The following SLC8B1 variants were observed in gnomAD, a reference collection of about 807,000 sequenced individuals.
SLC8B1 encodes solute carrier family 8 member B1.
Under a neutral mutation model 63.4 loss-of-function variants are expected in SLC8B1, and 52 were observed. The observed-to-expected ratio is 0.82, with a 90% CI of 0.66 to 1.03. The LOEUF (loss-of-function observed/expected upper bound fraction) is 1.03. SLC8B1 is among the 50% of genes least tolerant of loss of function. The pLI, the probability that SLC8B1 is intolerant of heterozygous loss-of-function variation, is 0.00. For synonymous variants in SLC8B1, 336 were observed against 323.9 expected (o/e 1.04, Z -0.40); for missense variants, 657 against 741.7 (o/e 0.89, Z 1.33).
chr12:113,316,218 T>C (rs958994926), intron 10 of SLC8B1, among the ~76,000 whole-genome samples: 1 of 149,024 alleles, frequency 6.7e-6, no homozygotes, highest in South Asian at 2.2e-4. Flanking sequence ...AGAGCGAAAC[T>C]CTGTCTCAAA....
At chr12:113,323,836 T>C (rs1468159562) in intron 2 of SLC8B1, among the ~76,000 whole-genome samples, 1 of 152,150 alleles carries the variant, frequency 6.6e-6, no homozygotes, top group Non-Finnish European at 1.5e-5. Context: ...GAACTCCCAC[T>C]AACACCAGAC....
chr12:113,321,480 C>T (rs1190220671), intron 2 of SLC8B1, 132 bp from the exon 3 acceptor site: 1 of 1,060,744 alleles, frequency 9.4e-7, no homozygotes, highest in Non-Finnish European at 1.4e-6. Context: ...TGGGTGCCAA[C>T]TATGGATGCA....
chr12:113,317,673 C>T (rs73192857), intron 8 of SLC8B1, among the ~76,000 whole-genome samples: 6 of 152,156 alleles, frequency 3.9e-5, no homozygotes, highest in African/African-American at 9.7e-5. Context: ...TGGCCCTCCT[C>T]GAGTGAGGAG....
intron 2 of SLC8B1, among the ~76,000 whole-genome samples, chr12:113,325,482 C>G (rs7966872): frequency 0.19 from 28,266 of 151,918 alleles, 3,102 homozygotes; most frequent in African/African-American, 0.31. Flanking sequence ...GGCTGGTCTT[C>G]AACTCCTGGC....
intron 2 of SLC8B1, among the ~76,000 whole-genome samples, chr12:113,327,539 G>A (rs547642084): frequency 6.6e-6 from 1 of 152,014 alleles, no homozygotes; most frequent in African/African-American, 2.4e-5. Context: ...ATAAAAATTA[G>A]CCAGGCACGG....
intron 15 of SLC8B1, chr12:113,302,439 C>T: frequency 3.6e-6 from 1 of 281,364 alleles, no homozygotes; most frequent in Non-Finnish European, 7.2e-6. Flanking sequence ...TCAATTTCTG[C>T]TGTTGTCAGC....
intron 2 of SLC8B1, among the ~76,000 whole-genome samples, chr12:113,328,085 T>C (rs917989628): frequency 4.6e-5 from 7 of 151,820 alleles, no homozygotes; most frequent in Non-Finnish European, 8.8e-5. Flanking sequence ...CAGGCTGGAG[T>C]GCAGTGGCGT....
At chr12:113,306,876 CAAGA>C (rs1213235142) in intron 13 of SLC8B1, 6 of 441,870 alleles carry the variant, frequency 1.4e-5, no homozygotes, top group African/African-American at 1.2e-4. Context: ...TTTGGGAGGC[CAAGA>C]TAGATGGATC....
chr12:113,320,634 A>G lies in SLC8B1; in HGVS notation c.473T>C (p.Leu158Pro). 1 of 1,614,136 alleles carries G rather than the reference A, an allele frequency of 6.2e-7. No individual in the cohort carries two copies. Among genetic ancestry groups the G allele is most frequent in the Non-Finnish European group, 8.5e-7 (1 of 1,180,016 alleles). ...GNGAPDIFSA[L>P]VAFSDPHTAG... The stretch of plus-strand genomic sequence containing the variant: ...TGTGTGCGGGTCAGAGAAGGCCACC[A>G]GGGCACTGAAGATGTCAGGTGCACC... The change falls in exon 6 of 16, where the codon CTG becomes CCG. Residue 158 changes from leucine to proline, a missense_variant. Transcript: ENST00000680972. This position sits in a 1 kb window ranked among gnomAD's most constrained non-coding sequence, Gnocchi z 5.3.
chr12:113,312,784 G>A (rs984472465), intron 11 of SLC8B1, among the ~76,000 whole-genome samples: 1 of 152,200 alleles, frequency 6.6e-6, no homozygotes, highest in Non-Finnish European at 1.5e-5. Context: ...ATTGTATCAA[G>A]GAGAAAGTTT....
At chr12:113,316,444 C>T (rs1452230644) in intron 10 of SLC8B1, 82 bp downstream of exon 10, 1 of 1,529,002 alleles carries the variant, frequency 6.5e-7, no homozygotes, top group Non-Finnish European at 8.9e-7. Context: ...AGGCCCTCCC[C>T]CTCGTAGAGC....
In SLC8B1 at chr12:113,335,079, C is replaced by T. The variant is rs975055045; in HGVS notation, c.-719G>A. The T allele has an allele frequency of 6.6e-6, 1 of 152,490 alleles. No individual in the cohort carries two copies. The highest frequency in any genetic ancestry group is 1.5e-5 in the Non-Finnish European group (1 of 68,252). 9.4% of individuals were successfully genotyped at this position (152,490 alleles called of 1,614,324 possible). A position where few individuals can be genotyped will look rare whatever the true frequency, so the allele number is the denominator to read the frequency against. The stretch of plus-strand genomic sequence containing the variant: ...CCAGGTCCCTGGCCGCCGGACCGAC[C>T]TTGCGCCAGCGAAGCCGCCAGTCCG... On this transcript the variant is annotated 5_prime_UTR_variant, in exon 1 of 16. Coordinates refer to ENST00000680972, the MANE Select transcript of SLC8B1 (RefSeq NM_001358345.2).
intron 11 of SLC8B1, among the ~76,000 whole-genome samples, chr12:113,314,748 G>C (rs1237714937): frequency 6.6e-6 from 1 of 152,182 alleles, no homozygotes; most frequent in African/African-American, 2.4e-5. Flanking sequence ...CCAAAATCCA[G>C]ATTTTAAGAT....
chr12:113,303,230 T>C (rs1956623307), intron 15 of SLC8B1, among the ~76,000 whole-genome samples: 1 of 152,014 alleles, frequency 6.6e-6, no homozygotes, highest in African/African-American at 2.4e-5. Context: ...GAATCTATCA[T>C]GAAAGGGAAC....
Position 113,321,352 on chromosome 12 carries a change from C to A in SLC8B1, c.157-4G>T. On this transcript the variant is annotated splice_polypyrimidine_tract_variant and splice_region_variant and intron_variant, in intron 2 of 15. Transcript: ENST00000680972. ...TCAGGCCACACACCTTGCGGCACTG[C>A]AGGAAGACAGGGAGGGGGACATCAG... The A allele has an allele frequency of 6.2e-7, 1 of 1,614,146 alleles. No individual in the cohort carries two copies.
intron 1 of SLC8B1, among the ~76,000 whole-genome samples, chr12:113,334,041 G>A (rs1380567702): frequency 6.6e-6 from 1 of 152,150 alleles, no homozygotes; most frequent in Non-Finnish European, 1.5e-5. Flanking sequence ...AGGTCACACA[G>A]CAAGAGGGTC....
chr12:113,312,589 G>A (rs1219909357), intron 11 of SLC8B1, among the ~76,000 whole-genome samples: 1 of 152,214 alleles, frequency 6.6e-6, no homozygotes, highest in Non-Finnish European at 1.5e-5. Context: ...TTCAGGCTGG[G>A]AGCCAGTCCA....
intron 13 of SLC8B1, among the ~76,000 whole-genome samples, chr12:113,307,110 CAAAAAAAAAAAAAAAAAAAAAAAA>C (rs67032040): frequency 0.018 from 331 of 18,222 alleles, 11 homozygotes; most frequent in East Asian, 0.025. Flanking sequence ...GCCTCCATCT[CAAAAAAAAAAAAAAAAAAAAAAAA>C]AAAAAAAAAA....
At chr12:113,324,332 A>C (rs529514472) in intron 2 of SLC8B1, among the ~76,000 whole-genome samples, 74 of 151,828 alleles carry the variant, frequency 4.9e-4, no homozygotes, top group African/African-American at 1.3e-3. Context: ...AACAAACAAA[A>C]AAAAAAACTT....
Sources: gnomAD v4.1 joint callset for allele counts (sites outside exome capture counted in the v4.1 genomes callset) on GRCh38, gnomAD v4.1.1 for gene constraint, Gnocchi (gnomAD v3.1) non-coding constraint, MANE v1.5 for transcripts, NCBI Gene and HGNC (gene_info 2026-07-23, HGNC 2026-07-21) for gene names.